The following TEAD1 variants were observed in gnomAD, a reference collection of about 807,000 sequenced individuals.
TEAD1 encodes the protein transcriptional enhancer factor TEF-1.
A neutral mutation model predicts 54.9 loss-of-function variants in TEAD1; 9 were observed. That is an observed-to-expected ratio of 0.16 (90% CI 0.10 to 0.29). TEAD1 has a LOEUF of 0.29. Among genes scored for constraint, TEAD1 ranks in the 10% least tolerant of loss-of-function variants. The pLI is 1.00. For missense variants in TEAD1, 387 were observed against 535.9 expected (o/e 0.72, Z 2.74); for synonymous variants, 200 against 187.8 (o/e 1.07, Z -0.53).
At chr11:12,857,543 G>A (rs2134060939) in intron 3 of TEAD1, among the ~76,000 whole-genome samples, 1 of 150,166 alleles carries the variant, frequency 6.7e-6, no homozygotes, top group East Asian at 2.0e-4. Context: ...TGTAGCATCA[G>A]GTTTACTGAA....
intron 10 of TEAD1, among the ~76,000 whole-genome samples, chr11:12,910,585 A>G (rs1037893265): frequency 2.6e-5 from 4 of 152,198 alleles, no homozygotes; most frequent in African/African-American, 9.7e-5. Flanking sequence ...TATACATTTA[A>G]TATTTCTGCT....
At chr11:12,854,945 C>A (rs4757955) in intron 3 of TEAD1, among the ~76,000 whole-genome samples, 90,793 of 151,226 alleles carry the variant, frequency 0.6, 29,151 homozygotes, top group East Asian at 0.76. Flanking sequence ...TCTTGTGTTC[C>A]ATCCACACAC....
At chr11:12,707,600 TA>T (rs1404864951) in intron 2 of TEAD1, among the ~76,000 whole-genome samples, 3 of 152,194 alleles carry the variant, frequency 2.0e-5, no homozygotes, top group Non-Finnish European at 4.4e-5. Context: ...TGCTAGAAAG[TA>T]GGGAAGAGGG....
intron 11 of TEAD1, among the ~76,000 whole-genome samples, chr11:12,926,717 C>G (rs1033715937): frequency 2.0e-5 from 3 of 152,082 alleles, no homozygotes; most frequent in African/African-American, 7.2e-5. Flanking sequence ...GGGGAGCAGC[C>G]ACTAGCCCTA....
intron 3 of TEAD1, among the ~76,000 whole-genome samples, chr11:12,824,669 T>C (rs1218092567): frequency 6.6e-6 from 1 of 152,182 alleles, no homozygotes; most frequent in African/African-American, 2.4e-5. Context: ...AGTTTACTCC[T>C]AGCTGGGTGA....
chr11:12,796,849 T>C (rs1243224523), intron 3 of TEAD1, among the ~76,000 whole-genome samples: 1 of 152,110 alleles, frequency 6.6e-6, no homozygotes, highest in Non-Finnish European at 1.5e-5. Context: ...CGGTAGCTCA[T>C]GCTTGTAATC....
intron 2 of TEAD1, among the ~76,000 whole-genome samples, chr11:12,703,251 A>G (rs1274317384): frequency 2.6e-5 from 4 of 152,120 alleles, no homozygotes; most frequent in Non-Finnish European, 1.5e-5. Flanking sequence ...CTCTCTCCCA[A>G]AAAAGCTTCC....
intron 3 of TEAD1, among the ~76,000 whole-genome samples, chr11:12,824,165 G>T (rs1481424417): frequency 2.0e-5 from 3 of 152,152 alleles, no homozygotes; most frequent in Non-Finnish European, 2.9e-5. Flanking sequence ...CAATTGTAAT[G>T]TCTACTTTAT....
intron 2 of TEAD1, among the ~76,000 whole-genome samples, chr11:12,748,482 G>A (rs1590111121): frequency 6.6e-6 from 1 of 152,162 alleles, no homozygotes; most frequent in Non-Finnish European, 1.5e-5. Context: ...GAAAGGCCAG[G>A]GGTCTCATAA....
intron 3 of TEAD1, among the ~76,000 whole-genome samples, chr11:12,838,504 A>G (rs1946954901): frequency 6.6e-6 from 1 of 152,158 alleles, no homozygotes; most frequent in Non-Finnish European, 1.5e-5. Flanking sequence ...AATTAAAGAC[A>G]TGTTTCATGT....
chr11:12,788,283 T>C (rs1310536540), intron 3 of TEAD1, among the ~76,000 whole-genome samples: 1 of 151,982 alleles, frequency 6.6e-6, no homozygotes, highest in Non-Finnish European at 1.5e-5. Flanking sequence ...ACTACAGAGC[T>C]ACCGTGCCCA....
At position 12,941,737 on chromosome 11, in the gene TEAD1, G is replaced by A. The variant is rs947028521; in HGVS notation, c.*4515G>A. 1.3e-5 allele frequency: 2 copies of A among 152,638 alleles called. No individual in the cohort carries two copies. The highest frequency in any genetic ancestry group is 2.4e-5 in the African/African-American group (1 of 41,456). 9.5% of individuals were successfully genotyped at this position (152,638 alleles called of 1,614,324 possible). ...TTTCTGAAAAGCCTTAAATCTTTAA[G>A]ATGTTGCATGTAGGGTATGCAGTGC... On this transcript the variant is annotated 3_prime_UTR_variant, in exon 13 of 13. Coordinates refer to ENST00000527636, the MANE Select transcript of TEAD1 (RefSeq NM_021961.6).
chr11:12,753,106 A>T (rs2133909926), intron 2 of TEAD1, among the ~76,000 whole-genome samples: 1 of 152,044 alleles, frequency 6.6e-6, no homozygotes, highest in Non-Finnish European at 1.5e-5. Flanking sequence ...GGCCTCCCAA[A>T]GTGCTGGAAT....
chr11:12,747,372 G>C (rs1944768327), intron 2 of TEAD1, among the ~76,000 whole-genome samples: 1 of 152,094 alleles, frequency 6.6e-6, no homozygotes, highest in Non-Finnish European at 1.5e-5. Flanking sequence ...GTCTTGCTAT[G>C]TCATCCAGGC....
intron 2 of TEAD1, among the ~76,000 whole-genome samples, chr11:12,722,366 G>A (rs1052474191): frequency 7.2e-5 from 11 of 152,170 alleles, no homozygotes; most frequent in Non-Finnish European, 2.9e-5. Context: ...ACCATGCACT[G>A]AGCCAGGTGC....
chr11:12,786,397 A>G (rs958890558), intron 3 of TEAD1, among the ~76,000 whole-genome samples: 2 of 152,194 alleles, frequency 1.3e-5, no homozygotes, highest in Admixed American at 6.5e-5. Flanking sequence ...TGCCTCTCCC[A>G]GCTGACCAGA....
At chr11:12,888,890 C>G (rs1021284020) in intron 9 of TEAD1, among the ~76,000 whole-genome samples, 2 of 152,166 alleles carry the variant, frequency 1.3e-5, no homozygotes, top group Non-Finnish European at 2.9e-5. Context: ...GATGAGTAGT[C>G]TGTTTTTGTA....
chr11:12,851,427 G>T (rs1947271333), intron 3 of TEAD1, among the ~76,000 whole-genome samples: 1 of 152,120 alleles, frequency 6.6e-6, no homozygotes, highest in African/African-American at 2.4e-5. Flanking sequence ...GTTTCACTAT[G>T]GTAGCCATTT....
At position 12,899,059 on chromosome 11, in the gene TEAD1, C is replaced by A. The variant is rs1245690130; in HGVS notation, c.700-2881C>A. ...TTCTCAACTTCACCCCAGCTCTGAC[C>A]TGGCCCAGGGGCAGCTAGCGAGGCA... On this transcript the variant is annotated intron_variant, in intron 9 of 12. Transcript: ENST00000527636. 3.3e-5 allele frequency among the ~76,000 whole-genome samples: 5 copies of A among 152,310 alleles called. No homozygotes were observed. In the South Asian group the frequency reaches 8.3e-4, roughly 25 times the overall value.
Sources: gnomAD v4.1 joint callset for allele counts (sites outside exome capture counted in the v4.1 genomes callset) on GRCh38, gnomAD v4.1.1 for gene constraint, MANE v1.5 for transcripts, NCBI Gene and HGNC (gene_info 2026-07-23, HGNC 2026-07-21) for gene names.